The following NDUFC1 variants were observed in gnomAD, a reference collection of about 807,000 sequenced individuals.
NDUFC1 encodes NADH:ubiquinone oxidoreductase subunit C1.
NDUFC1 carries 11 observed loss-of-function variants against 11.6 expected under a neutral mutation model. The ratio of observed to expected loss-of-function variants is 0.95; its 90% CI spans 0.60 to 1.58. The LOEUF (loss-of-function observed/expected upper bound fraction) is 1.58. NDUFC1 is among the 40% of genes most tolerant of loss of function. The pLI is 0.00. For missense variants in NDUFC1, 112 were observed against 93.0 expected (o/e 1.20, Z -0.84); for synonymous variants, 52 against 42.2 (o/e 1.23, Z -0.90).
chr4:139,299,768 T>C (rs1484588774), intron 1 of NDUFC1, among the ~76,000 whole-genome samples: 1 of 152,222 alleles, frequency 6.6e-6, no homozygotes, highest in African/African-American at 2.4e-5. Flanking sequence ...AAAAAGAATG[T>C]AACATTTGCC....
chr4:139,293,853 G>A (rs1458195098), intron 4 of NDUFC1, among the ~76,000 whole-genome samples: 2 of 151,750 alleles, frequency 1.3e-5, no homozygotes, highest in East Asian at 3.9e-4. Flanking sequence ...TATCTGTAAC[G>A]GGTCAACAAT....
intron 3 of NDUFC1, 40 bp downstream of exon 3, chr4:139,295,692 A>G (rs1745434245): frequency 3.3e-6 from 5 of 1,528,596 alleles, no homozygotes; most frequent in Non-Finnish European, 4.4e-6. Context: ...AGGAGGGGTA[A>G]TCTGAGGGTC....
chr4:139,291,446 G>A lies in NDUFC1; in HGVS notation c.*20+1084C>T, dbSNP rs562169450. Among the ~76,000 whole-genome samples the A allele has an allele frequency of 1.4e-4, 21 of 152,036 alleles. No homozygotes were observed. In the South Asian group the frequency reaches 3.7e-3, roughly 27 times the overall value. On this transcript the variant is annotated intron_variant, in intron 5 of 5. Coordinates refer to ENST00000394223, the MANE Select transcript of NDUFC1 (RefSeq NM_001184989.2). ...AAAAATTAGCTGGGCGTGGTAGCGC[G>A]CACCTGTAGTCCCAGCTACTCGAGA...
rs1286686068 is a variant in NDUFC1 at position 139,295,939 on chromosome 4, C to G, written c.-141G>C. 1.3e-6 allele frequency: 1 copy of G among 771,328 alleles called. No homozygotes were observed. 47.8% of individuals were successfully genotyped at this position (771,328 alleles called of 1,614,324 possible). On this transcript the variant is annotated 5_prime_UTR_variant, in exon 3 of 6. Coordinates refer to ENST00000394223, the MANE Select transcript of NDUFC1 (RefSeq NM_001184989.2). ...ATTCCAGCACGGCAAGGTTCTCTAG[C>G]ACCCCGGCCTCAGCCTTCTGTCTAT... is the stretch of plus-strand genomic sequence containing the variant.
At chr4:139,301,940 G>C (rs1745778080) in intron 1 of NDUFC1, 5 of 1,187,354 alleles carry the variant, frequency 4.2e-6, no homozygotes, top group Non-Finnish European at 5.9e-6. Context: ...CCGGGACCCC[G>C]CCTTCATAGC....
chr4:139,295,954 C>T lies in NDUFC1; in HGVS notation c.-156G>A. ...GGTTCTCTAGCACCCCGGCCTCAGC[C>T]TTCTGTCTATACAGTGGAATTAGGA... On this transcript the variant is annotated 5_prime_UTR_variant, in exon 3 of 6. Transcript: ENST00000394223. The T allele has an allele frequency of 1.5e-6, 1 of 685,052 alleles. No individual in the cohort carries two copies. The allele number at this position is 685,052 out of a possible 1,614,324, so 42.4% of individuals were successfully genotyped here.
intron 1 of NDUFC1, among the ~76,000 whole-genome samples, chr4:139,299,876 A>G (rs1745635696): frequency 6.6e-6 from 1 of 152,242 alleles, no homozygotes; most frequent in Non-Finnish European, 1.5e-5. Context: ...GAAGGAAAAT[A>G]GAATATTCTT....
chr4:139,300,463 TAC>T (rs914586863), intron 1 of NDUFC1: 3 of 152,246 alleles, frequency 2.0e-5, no homozygotes, highest in African/African-American at 7.2e-5. Context: ...CAAAGAATGC[TAC>T]AGAGTGAAAT....
intron 4 of NDUFC1, among the ~76,000 whole-genome samples, chr4:139,293,930 A>ATTTTTTTTT (rs775805536): frequency 1.9e-4 from 13 of 69,716 alleles, no homozygotes; most frequent in African/African-American, 5.7e-4. Flanking sequence ...TGTGGTGTGA[A>ATTTTTTTTT]TTTTTTTTTT....
chr4:139,291,842 T>A (rs568199826), intron 5 of NDUFC1, among the ~76,000 whole-genome samples: 1 of 144,592 alleles, frequency 6.9e-6, no homozygotes, highest in South Asian at 2.2e-4. Context: ...GGGTTCATTC[T>A]TTTTTTTTTT....
Position 139,294,722 on chromosome 4 carries a change from G to A in NDUFC1, c.171+321C>T, listed in dbSNP as rs1012628668. The stretch of plus-strand genomic sequence containing the variant: ...TGCACTCCAGCCTGGGAGACAGAGT[G>A]AGACTCCATCTCAAAAAAAAAAAAA... On this transcript the variant is annotated intron_variant, in intron 4 of 5. Coordinates refer to ENST00000394223, the MANE Select transcript of NDUFC1 (RefSeq NM_001184989.2). 2.8e-5 allele frequency among the ~76,000 whole-genome samples: 4 copies of A among 144,970 alleles called. No individual in the cohort carries two copies. The Admixed American group carries it at 2.8e-4, about 10-fold the overall frequency.
intron 3 of NDUFC1, 144 bp downstream of exon 3, chr4:139,295,588 G>T: frequency 1.2e-6 from 1 of 831,010 alleles, no homozygotes; most frequent in Non-Finnish European, 1.8e-6. Flanking sequence ...GGGGACAGGC[G>T]TGGGCTGGGC....
chr4:139,292,475 A>AT (rs1335329211), intron 5 of NDUFC1, 55 bp downstream of exon 5: 4 of 840,216 alleles, frequency 4.8e-6, no homozygotes, highest in Non-Finnish European at 3.7e-6. Flanking sequence ...AGTATTTAAA[A>AT]AAGAGGTCAA....
intron 4 of NDUFC1, among the ~76,000 whole-genome samples, chr4:139,293,745 T>A (rs184081362): frequency 8.5e-5 from 13 of 152,222 alleles, no homozygotes; most frequent in African/African-American, 3.1e-4. Flanking sequence ...AGAAATTTTA[T>A]CCCAACAGAG....
At chr4:139,291,209 C>T (rs765020743) in intron 5 of NDUFC1, among the ~76,000 whole-genome samples, 4 of 151,548 alleles carry the variant, frequency 2.6e-5, no homozygotes, top group Non-Finnish European at 4.4e-5. Context: ...AGGTTTTTTA[C>T]CAGGAACTGT....
At chr4:139,290,393 C>A (rs1745162514) in intron 5 of NDUFC1, among the ~76,000 whole-genome samples, 1 of 149,166 alleles carries the variant, frequency 6.7e-6, no homozygotes, top group African/African-American at 2.5e-5. Context: ...TATCCCGCTG[C>A]CTAGGCCTCC....
chr4:139,299,530 T>C (rs1745616244), intron 1 of NDUFC1, among the ~76,000 whole-genome samples: 1 of 152,212 alleles, frequency 6.6e-6, no homozygotes, highest in South Asian at 2.1e-4. Context: ...CTTGGATATG[T>C]TAACTTTCTG....
intron 1 of NDUFC1, among the ~76,000 whole-genome samples, chr4:139,299,271 T>A: frequency 6.6e-6 from 1 of 151,926 alleles, no homozygotes; most frequent in Non-Finnish European, 1.5e-5. Flanking sequence ...CCCAGCCTTT[T>A]TTTTTTTTTT....
chr4:139,290,033 T>C lies in NDUFC1; in HGVS notation c.*80A>G, dbSNP rs1745146935. On this transcript the variant is annotated 3_prime_UTR_variant, in exon 6 of 6. Coordinates refer to ENST00000394223, the MANE Select transcript of NDUFC1 (RefSeq NM_001184989.2). ...TTCACATATAACTTTTTCTCTCACA[T>C]TTACAACTCAACAGATGGTGAATCC... 6.6e-6 allele frequency: 1 copy of C among 152,056 alleles called. No individual in the cohort carries two copies. The highest frequency in any genetic ancestry group is 1.5e-5 in the Non-Finnish European group (1 of 68,038). The allele number at this position is 152,056 out of a possible 1,614,324, so 9.4% of individuals were successfully genotyped here.
Sources: gnomAD v4.1 joint callset for allele counts (sites outside exome capture counted in the v4.1 genomes callset) on GRCh38, gnomAD v4.1.1 for gene constraint, MANE v1.5 for transcripts, NCBI Gene and HGNC (gene_info 2026-07-23, HGNC 2026-07-21) for gene names.